WDR72: variants seen among roughly 807,000 people sequenced by gnomAD.
WDR72 encodes WD repeat domain 72, also known as WD repeat-containing protein 72.
WDR72 carries 120 observed loss-of-function variants against 124.2 expected under a neutral mutation model. The observed-to-expected ratio is 0.97, with a 90% CI of 0.83 to 1.12. The LOEUF (loss-of-function observed/expected upper bound fraction) is 1.12, where lower values mean the gene tolerates loss of function less well. Among genes scored for constraint, WDR72 ranks in the 50% most tolerant of loss-of-function variants. WDR72 has a pLI of 0.00. For missense variants in WDR72, 1,387 were observed against 1,278.8 expected (o/e 1.08, Z -1.29); for synonymous variants, 452 against 441.7 (o/e 1.02, Z -0.29).
At chr15:53,523,391 T>C (rs1455287390) in intron 18 of WDR72, 69 bp from the exon 19 acceptor site, 5 of 1,432,382 alleles carry the variant, frequency 3.5e-6, no homozygotes, top group East Asian at 2.3e-5. Flanking sequence ...GCAAACACCA[T>C]TAAAACATTT....
chr15:53,639,897 A>C (rs1328945789), intron 14 of WDR72, among the ~76,000 whole-genome samples: 1 of 152,220 alleles, frequency 6.6e-6, no homozygotes, highest in East Asian at 1.9e-4. Flanking sequence ...TTCATAAAAC[A>C]TGAGGTATTT....
At position 53,711,342 on chromosome 15, in the gene WDR72, A is replaced by G. The variant is rs771433919; in HGVS notation, c.851T>C (p.Leu284Pro). 17 of 1,614,158 alleles carry G rather than the reference A, an allele frequency of 1.1e-5. No individual in the cohort carries two copies. The South Asian group carries it at 1.8e-4, about 17-fold the overall frequency. ...CGCTCCCATCTGAGCCCACCTGTTCAGCAGCTGATAGATGTAACTGTGACC... is the reference window on the plus strand; with the variant it reads ...CGCTCCCATCTGAGCCCACCTGTTCGGCAGCTGATAGATGTAACTGTGACC... ...EDGHSYIYQL[L>P]NSGLSKSIYP... The change falls in exon 8 of 20, where the codon CTG (leucine) becomes CCG (proline). Residue 284 changes from leucine (L) to proline (P), a missense_variant. Coordinates refer to ENST00000360509, the MANE Select transcript of WDR72 (RefSeq NM_182758.4).
chr15:53,604,356 A>G (rs112972625), intron 17 of WDR72, among the ~76,000 whole-genome samples: 1 of 152,276 alleles, frequency 6.6e-6, no homozygotes, highest in East Asian at 1.9e-4. Context: ...ACTTGAATGT[A>G]AAACACAAAA....
At chr15:53,539,261 GAAT>G (rs1463193478) in intron 18 of WDR72, among the ~76,000 whole-genome samples, 1 of 151,994 alleles carries the variant, frequency 6.6e-6, no homozygotes, top group African/African-American at 2.4e-5. Context: ...TAGATAACTA[GAAT>G]AATTGAAAAG....
chr15:53,711,675 A>G (rs540851506), intron 7 of WDR72, among the ~76,000 whole-genome samples, 194 bp from the exon 8 acceptor site: 2 of 152,316 alleles, frequency 1.3e-5, no homozygotes, highest in Non-Finnish European at 2.9e-5. Flanking sequence ...TTCAGGGGAT[A>G]CAGTTCATCT....
At position 53,722,893 on chromosome 15, in the gene WDR72, G is replaced by T; in HGVS notation, c.169C>A (p.Leu57Ile). 1 of 1,614,062 alleles carries T rather than the reference G, an allele frequency of 6.2e-7. No homozygotes were observed. The highest frequency in any genetic ancestry group is 8.5e-7 in the Non-Finnish European group (1 of 1,179,976). ...ACCGAAGCTGAATGACCAAATAGGA[G>T]TTCTTTCGCTGAAATCTGAAAATAA... Reference protein sequence around the residue: ...SHELKISAKELLFGHSASVTC... With the variant: ...SHELKISAKEILFGHSASVTC... Residue 57 changes from leucine (L) to isoleucine (I), a missense_variant, in exon 3 of 20, where the codon CTC (leucine) becomes ATC (isoleucine). Leu to Ile is a conservative substitution (Grantham distance 5, BLOSUM62 2). Transcript: ENST00000360509.
intron 13 of WDR72, among the ~76,000 whole-genome samples, chr15:53,676,721 G>T (rs1368828169): frequency 6.6e-6 from 1 of 152,164 alleles, no homozygotes; most frequent in Non-Finnish European, 1.5e-5. Flanking sequence ...AGAGAACCTG[G>T]TTGAGTTTGC....
intron 2 of WDR72, among the ~76,000 whole-genome samples, chr15:53,732,688 T>A (rs1178383949): frequency 6.6e-6 from 1 of 152,196 alleles, no homozygotes; most frequent in East Asian, 1.9e-4. Context: ...TATACTTACA[T>A]GCCTGTAGTT....
chr15:53,719,981 T>C (rs970710147), intron 3 of WDR72, among the ~76,000 whole-genome samples: 1 of 152,128 alleles, frequency 6.6e-6, no homozygotes, highest in African/African-American at 2.4e-5. Context: ...ACTATACATA[T>C]ATAAAAATAA....
chr15:53,710,673 G>T (rs1165301488), intron 9 of WDR72, among the ~76,000 whole-genome samples, 184 bp downstream of exon 9: 2 of 152,050 alleles, frequency 1.3e-5, no homozygotes, highest in Non-Finnish European at 2.9e-5. Flanking sequence ...AAACATAGCA[G>T]ATTTTTAAAG....
intron 18 of WDR72, among the ~76,000 whole-genome samples, chr15:53,595,721 C>T (rs938064513): frequency 5.9e-5 from 9 of 152,070 alleles, no homozygotes; most frequent in Non-Finnish European, 1.0e-4. Context: ...AATGTAGTCA[C>T]TCAAAATTAA....
intron 19 of WDR72, 82 bp from the exon 20 acceptor site, chr15:53,517,836 G>T: frequency 7.7e-7 from 1 of 1,304,596 alleles, no homozygotes; most frequent in Non-Finnish European, 1.1e-6. Context: ...AGGGGAGGGA[G>T]AGAGGAAATG....
At chr15:53,759,922 G>C (rs1023257104), upstream of WDR72, among the ~76,000 whole-genome samples, 22 of 151,332 alleles carry the variant, frequency 1.5e-4, no homozygotes, top group African/African-American at 5.1e-4. Flanking sequence ...TGTCCTCTCA[G>C]GGCTGGAGAG....
chr15:53,723,557 G>A (rs964346912), intron 2 of WDR72, among the ~76,000 whole-genome samples: 4 of 152,038 alleles, frequency 2.6e-5, no homozygotes, highest in African/African-American at 7.2e-5. Flanking sequence ...GTCCATTAAC[G>A]GATGCAGAGA....
Position 53,705,033 on chromosome 15 carries a change from T to C in WDR72, c.1303A>G (p.Asn435Asp). The C allele has an allele frequency of 6.2e-7, 1 of 1,614,056 alleles. No homozygotes were observed. Among genetic ancestry groups the C allele is most frequent in the South Asian group, 1.1e-5 (1 of 91,074 alleles). The change falls in exon 11 of 20, where the codon AAT becomes GAT. Residue 435 changes from asparagine to aspartate, a missense_variant. Transcript: ENST00000360509. ...TCCAGAAGTCTTGCTTTGGCAGCAT[T>C]CAAAGCCTGGGTAATGATAATTGTC... ...DGTIIITQALNAAKARLLEGG... is the reference protein window; with the variant it reads ...DGTIIITQALDAAKARLLEGG...
chr15:53,530,087 T>TG (rs34748940), intron 18 of WDR72, among the ~76,000 whole-genome samples: 39,424 of 151,456 alleles, frequency 0.26, 5,753 homozygotes, highest in East Asian at 0.41. Context: ...GGTGAGTAGA[T>TG]GAGCAGACAC....
chr15:53,534,277 T>C (rs1003024783), intron 18 of WDR72, among the ~76,000 whole-genome samples: 1 of 152,144 alleles, frequency 6.6e-6, no homozygotes, highest in Non-Finnish European at 1.5e-5. Flanking sequence ...TGAATGTTTA[T>C]GTAGCATTGG....
At chr15:53,517,991 T>G (rs1222096647) in intron 19 of WDR72, among the ~76,000 whole-genome samples, 4 of 152,046 alleles carry the variant, frequency 2.6e-5, no homozygotes, top group Admixed American at 1.3e-4. Flanking sequence ...TCTTATAAAG[T>G]AGGTAAATAC....
intron 1 of WDR72, among the ~76,000 whole-genome samples, chr15:53,752,894 T>C (rs1446970617): frequency 3.9e-5 from 6 of 152,204 alleles, no homozygotes; most frequent in Admixed American, 1.3e-4. Flanking sequence ...TATATTCATT[T>C]ATTAATTCAA....
Sources: gnomAD v4.1 joint callset for allele counts (sites outside exome capture counted in the v4.1 genomes callset) on GRCh38, gnomAD v4.1.1 for gene constraint, MANE v1.5 for transcripts, NCBI Gene and HGNC (gene_info 2026-07-23, HGNC 2026-07-21) for gene names.